RFX4: variants seen among roughly 807,000 people sequenced by gnomAD.
The protein encoded by RFX4 is regulatory factor X4, also known as transcription factor RFX4.
Under a neutral mutation model 95.0 loss-of-function variants are expected in RFX4, and 10 were observed. That is an observed-to-expected ratio of 0.11 (90% CI 0.06 to 0.18). RFX4 has a LOEUF of 0.18. Ranked by LOEUF, RFX4 falls within the 10% of genes least tolerant of loss-of-function variation. RFX4 has a pLI of 1.00. For synonymous variants in RFX4, 321 were observed against 340.7 expected, an observed-to-expected ratio of 0.94 and a Z score of 0.64; for missense variants, 640 against 922.0, an observed-to-expected ratio of 0.69 and a Z score of 3.96.
intron 17 of RFX4, among the ~76,000 whole-genome samples, chr12:106,751,382 T>G (rs1404440741): frequency 6.8e-6 from 1 of 147,936 alleles, no homozygotes; most frequent in Admixed American, 6.8e-5. Flanking sequence ...TTGTGAATAA[T>G]GCCGCAATAA....
chr12:106,715,604 T>C lies in RFX4; in HGVS notation c.1138+60T>C, dbSNP rs1592973794. 6 of 1,587,534 alleles carry C rather than the reference T, an allele frequency of 3.8e-6. No individual in the cohort carries two copies. In the East Asian group the frequency reaches 1.1e-4, roughly 30 times the overall value. On this transcript the variant is annotated intron_variant, in intron 11 of 17. Transcript: ENST00000392842. The stretch of plus-strand genomic sequence containing the variant: ...TTATTTTTAAAAGAAAGAAAAAGTG[T>C]CTTAGTAAATACCGAAGTGGCATCC...
chr12:106,653,731 C>T (rs1435753310), intron 3 of RFX4, among the ~76,000 whole-genome samples: 1 of 152,216 alleles, frequency 6.6e-6, no homozygotes, highest in Non-Finnish European at 1.5e-5. Context: ...TACAGCTATA[C>T]AGGCCTCTCC....
At chr12:106,678,450 G>A (rs1343234862) in intron 4 of RFX4, among the ~76,000 whole-genome samples, 1 of 151,976 alleles carries the variant, frequency 6.6e-6, no homozygotes, top group African/African-American at 2.4e-5. Context: ...ATTGTTTATA[G>A]AAAATAGGAA....
At chr12:106,711,544 G>A (rs1198907851) in intron 10 of RFX4, 33 bp downstream of exon 10, 2 of 1,597,798 alleles carry the variant, frequency 1.3e-6, no homozygotes, top group Non-Finnish European at 8.6e-7. Context: ...TTTAATCACT[G>A]CTGAGTCATT....
intron 4 of RFX4, chr12:106,662,308 CAT>C (rs756758533): frequency 2.0e-4 from 41 of 200,754 alleles, no homozygotes; most frequent in Non-Finnish European, 3.2e-5. Flanking sequence ...TCCCTGATAA[CAT>C]GTGATGTGGA....
At chr12:106,635,437 C>T (rs533404054) in intron 2 of RFX4, among the ~76,000 whole-genome samples, 1 of 152,038 alleles carries the variant, frequency 6.6e-6, no homozygotes, top group South Asian at 2.1e-4. Flanking sequence ...CTTAGCCACC[C>T]GAGTAGCTGG....
intron 4 of RFX4, among the ~76,000 whole-genome samples, chr12:106,671,827 A>G (rs1444809142): frequency 6.6e-6 from 1 of 151,904 alleles, no homozygotes; most frequent in Non-Finnish European, 1.5e-5. Context: ...ACGCCTGACT[A>G]GTTTTTTGTA....
chr12:106,700,445 C>A (rs1174651421), intron 8 of RFX4, among the ~76,000 whole-genome samples: 7 of 129,446 alleles, frequency 5.4e-5, no homozygotes, highest in Non-Finnish European at 9.4e-5. Flanking sequence ...CTCGCTCTGT[C>A]GCCCAGGCTG....
intron 3 of RFX4, among the ~76,000 whole-genome samples, chr12:106,648,704 G>A (rs554021370): frequency 6.6e-6 from 1 of 150,880 alleles, no homozygotes; most frequent in Non-Finnish European, 1.5e-5. Context: ...TGAGGAGTGG[G>A]CACTTTGAAC....
intron 8 of RFX4, among the ~76,000 whole-genome samples, chr12:106,699,016 T>A (rs963449665): frequency 1.3e-5 from 2 of 152,106 alleles, no homozygotes; most frequent in South Asian, 4.1e-4. Context: ...TGATTATAAA[T>A]CTTTCTACTT....
At chr12:106,588,528 A>G (rs887657259) in intron 1 of RFX4, among the ~76,000 whole-genome samples, 4 of 152,214 alleles carry the variant, frequency 2.6e-5, no homozygotes, top group Non-Finnish European at 5.9e-5. Context: ...TCTCACGCCT[A>G]GGCATCCCTC....
At chr12:106,734,197 A>T (rs1430935835) in intron 15 of RFX4, among the ~76,000 whole-genome samples, 1 of 152,212 alleles carries the variant, frequency 6.6e-6, no homozygotes, top group Non-Finnish European at 1.5e-5. Context: ...AGTGTTTAAT[A>T]GGTACAGAGG....
chr12:106,730,003 G>C (rs1399897235), intron 13 of RFX4, among the ~76,000 whole-genome samples: 1 of 152,162 alleles, frequency 6.6e-6, no homozygotes, highest in Non-Finnish European at 1.5e-5. Context: ...CATAGTACTG[G>C]AGATGGAAGA....
intron 11 of RFX4, among the ~76,000 whole-genome samples, chr12:106,716,260 C>T (rs1174577594): frequency 6.6e-6 from 1 of 152,058 alleles, no homozygotes; most frequent in Non-Finnish European, 1.5e-5. Flanking sequence ...CAGGCTACCT[C>T]CATAATTAGA....
intron 1 of RFX4, among the ~76,000 whole-genome samples, chr12:106,605,212 C>T (rs1242337930): frequency 6.6e-6 from 1 of 152,150 alleles, no homozygotes; most frequent in African/African-American, 2.4e-5. Context: ...TGGAAGAACA[C>T]AGTGTTTCAT....
chr12:106,738,944 T>C (rs1353565680), intron 15 of RFX4, among the ~76,000 whole-genome samples: 1 of 152,210 alleles, frequency 6.6e-6, no homozygotes, highest in Non-Finnish European at 1.5e-5. Flanking sequence ...TCTTATAAAA[T>C]GTATTTGCCA....
chr12:106,641,761 TA>T (rs1377619179), intron 3 of RFX4, among the ~76,000 whole-genome samples: 1 of 152,184 alleles, frequency 6.6e-6, no homozygotes, highest in African/African-American at 2.4e-5. Flanking sequence ...ACGTTTGCTC[TA>T]ATTATCTTTA....
At chr12:106,729,427 C>T (rs1376649285) in intron 13 of RFX4, among the ~76,000 whole-genome samples, 1 of 152,186 alleles carries the variant, frequency 6.6e-6, no homozygotes, top group East Asian at 1.9e-4. Context: ...ATCTAATATA[C>T]ACTTTTACTC....
At chr12:106,679,937 G>A (rs2137393597) in intron 4 of RFX4, among the ~76,000 whole-genome samples, 1 of 152,254 alleles carries the variant, frequency 6.6e-6, no homozygotes, top group South Asian at 2.1e-4. Context: ...TTGAATCACT[G>A]CCTTTTACTC....
Sources: gnomAD v4.1 joint callset for allele counts (sites outside exome capture counted in the v4.1 genomes callset) on GRCh38, gnomAD v4.1.1 for gene constraint, MANE v1.5 for transcripts, NCBI Gene and HGNC (gene_info 2026-07-23, HGNC 2026-07-21) for gene names.